Variants in ABHD2 observed in about 807,000 individuals in gnomAD.
The protein encoded by ABHD2 is abhydrolase domain containing 2, acylglycerol lipase, also known as monoacylglycerol lipase ABHD2.
In ABHD2, 20 loss-of-function variants were observed where a neutral mutation model predicts 48.1. The observed-to-expected ratio is 0.42, with a 90% confidence interval of 0.29 to 0.60. The LOEUF is 0.60. ABHD2 is among the 20% of genes least tolerant of loss of function. The pLI is 0.24. For missense variants in ABHD2, 405 were observed against 550.9 expected, an observed-to-expected ratio of 0.74 and a Z score of 2.65; for synonymous variants, 209 against 214.2, an observed-to-expected ratio of 0.98 and a Z score of 0.21.
At chr15:89,127,346 C>T (rs1470255303) in intron 3 of ABHD2, among the ~76,000 whole-genome samples, 2 of 152,090 alleles carry the variant, frequency 1.3e-5, no homozygotes, top group Non-Finnish European at 2.9e-5. Context: ...CATTTGGGAA[C>T]CCTGCCTGGA....
rs1026394053 is a variant in ABHD2 at position 89,179,295 on chromosome 15, C to A, written c.722+3300C>A. Among the ~76,000 whole-genome samples, 2 of 152,120 alleles carry A rather than the reference C, an allele frequency of 1.3e-5. No individual in the cohort carries two copies. Among genetic ancestry groups the A allele is most frequent in the Admixed American group, 1.3e-4 (2 of 15,274 alleles). ...TGAGCGGTGGGCAGGTCACAGTGGGCAAAGCAGTAGGGAAGCAGTGGGTGA... is the reference window on the plus strand; with the variant it reads ...TGAGCGGTGGGCAGGTCACAGTGGGAAAAGCAGTAGGGAAGCAGTGGGTGA... On this transcript the variant is annotated intron_variant, in intron 6 of 10. Transcript: ENST00000352732. This position sits in a 1 kb window ranked among gnomAD's most constrained non-coding sequence, Gnocchi z 4.3.
At chr15:89,089,485 G>A (rs1022621211) in intron 1 of ABHD2, among the ~76,000 whole-genome samples, 1 of 152,178 alleles carries the variant, frequency 6.6e-6, no homozygotes, top group Non-Finnish European at 1.5e-5. Flanking sequence ...GAAACTCCTT[G>A]TATTTGAACT....
chr15:89,084,296 C>G (rs953720986), upstream of ABHD2, among the ~76,000 whole-genome samples: 1 of 151,404 alleles, frequency 6.6e-6, no homozygotes, highest in African/African-American at 2.4e-5. This position sits in a 1 kb window ranked among gnomAD's most constrained non-coding sequence, Gnocchi z 4.4. Context: ...TTGTTATAAA[C>G]CTAAAACTAT....
intron 1 of ABHD2, among the ~76,000 whole-genome samples, chr15:89,111,556 G>T (rs562048534): frequency 6.6e-6 from 1 of 152,190 alleles, no homozygotes; most frequent in Non-Finnish European, 1.5e-5. Context: ...GCCCAAGAGG[G>T]CTGTTAGAGT....
chr15:89,185,346 C>G lies in ABHD2; in HGVS notation c.723-78C>G. Reference sequence around the variant, plus strand: ...GCCCTCTCCACACAAGCACCTCACCCCATGGCTAGAGCCCCCTCCTGGCTG... The same window carrying G: ...GCCCTCTCCACACAAGCACCTCACCGCATGGCTAGAGCCCCCTCCTGGCTG... On this transcript the variant is annotated intron_variant, in intron 6 of 10. Transcript: ENST00000352732. The surrounding 1 kb of genome is among the most constrained non-coding windows in gnomAD (Gnocchi z 5.9). 2 of 1,137,358 alleles carry G rather than the reference C, an allele frequency of 1.8e-6. No individual in the cohort carries two copies. Among genetic ancestry groups the G allele is most frequent in the Non-Finnish European group, 2.6e-6 (2 of 758,282 alleles). The allele number at this position is 1,137,358 out of a possible 1,614,324, so 70.5% of individuals were successfully genotyped here. A position where few individuals can be genotyped will look rare whatever the true frequency, so the allele number is the denominator to read the frequency against.
chr15:89,058,989 C>A, the ABHD2 span, among the ~76,000 whole-genome samples: 1 of 152,172 alleles, frequency 6.6e-6, no homozygotes, highest in African/African-American at 2.4e-5. Context: ...GCAGCTCCAG[C>A]GAAAGATAAG....
chr15:89,132,512 T>C (rs2050236372), intron 3 of ABHD2, among the ~76,000 whole-genome samples: 1 of 152,212 alleles, frequency 6.6e-6, no homozygotes, highest in Non-Finnish European at 1.5e-5. Context: ...ATACTCTGCT[T>C]TCAGATAGAT....
Position 89,146,046 on chromosome 15 carries a change from GC to G in ABHD2, c.195-5630del, listed in dbSNP as rs2050485993. On this transcript the variant is annotated intron_variant, in intron 3 of 10. Coordinates refer to ENST00000352732, the MANE Select transcript of ABHD2 (RefSeq NM_152924.5). This position sits in a 1 kb window ranked among gnomAD's most constrained non-coding sequence, Gnocchi z 4.2. ...TTTTGTTCACTGGAAAGGACTTGCT[GC>G]AACTTGCTGAGATGTGAGGACTCAA... Among the ~76,000 whole-genome samples the G allele has an allele frequency of 6.6e-6, 1 of 152,092 alleles. No homozygotes were observed. The highest frequency in any genetic ancestry group is 1.5e-5 in the Non-Finnish European group (1 of 68,010).
Position 89,151,787 on chromosome 15 carries a change from C to T in ABHD2, c.305C>T (p.Thr102Ile). Reference protein sequence around the residue: ...PHPYGHRKFITMSDGATSTFD... With the variant: ...PHPYGHRKFIIMSDGATSTFD... ...CCTTATGGGCACCGGAAGTTCATCA[C>T]TATGTCTGATGGAGCCACTTCTACA... Residue 102 changes from threonine to isoleucine, a missense_variant, in exon 4 of 11, where the codon ACT becomes ATT. By Grantham distance (89) the Thr-to-Ile change is moderately conservative. Coordinates refer to ENST00000352732, the MANE Select transcript of ABHD2 (RefSeq NM_152924.5). The surrounding 1 kb of genome is among the most constrained non-coding windows in gnomAD (Gnocchi z 4.7). 3 of 1,614,226 alleles carry T rather than the reference C, an allele frequency of 1.9e-6. No individual in the cohort carries two copies. Among genetic ancestry groups the T allele is most frequent in the South Asian group, 1.1e-5 (1 of 91,088 alleles).
intron 1 of ABHD2, among the ~76,000 whole-genome samples, chr15:89,103,637 G>A (rs560199749): frequency 1.1e-4 from 16 of 152,144 alleles, no homozygotes; most frequent in African/African-American, 3.9e-4. Flanking sequence ...GGGGGGTAAG[G>A]GTTGGAATAA....
Position 89,114,815 on chromosome 15 carries a change from A to G in ABHD2, c.-7+991A>G, listed in dbSNP as rs1016267477. ...TAAGTTTTAGGAAAACTGTCTCCTC[A>G]CAGAAGTTCAGTGTAGCTGAGTTTA... On this transcript the variant is annotated intron_variant, in intron 2 of 10. Coordinates refer to ENST00000352732, the MANE Select transcript of ABHD2 (RefSeq NM_152924.5). The surrounding 1 kb of genome is among the most constrained non-coding windows in gnomAD (Gnocchi z 4.2). 1.3e-5 allele frequency among the ~76,000 whole-genome samples: 2 copies of G among 152,182 alleles called. No individual in the cohort carries two copies. Among genetic ancestry groups the G allele is most frequent in the African/African-American group, 4.8e-5 (2 of 41,442 alleles).
At chr15:89,119,268 C>G (rs2050009899) in intron 3 of ABHD2, among the ~76,000 whole-genome samples, 1 of 152,200 alleles carries the variant, frequency 6.6e-6, no homozygotes, top group Admixed American at 6.5e-5. Context: ...ACTTAAGCAG[C>G]TAAATTCTAA....
rs965756315 is a variant in ABHD2, at chr15:89,175,356, C to T, written c.539-456C>T. Reference sequence around the variant, plus strand: ...CCTCTTGCCTCAGCCTCCTAAGTAGCGGGGACTACAAGGACACACCTGTAG... The same window carrying T: ...CCTCTTGCCTCAGCCTCCTAAGTAGTGGGGACTACAAGGACACACCTGTAG... On this transcript the variant is annotated intron_variant, in intron 5 of 10. Coordinates refer to ENST00000352732, the MANE Select transcript of ABHD2 (RefSeq NM_152924.5). The surrounding 1 kb of genome is among the most constrained non-coding windows in gnomAD (Gnocchi z 5.7). 3.3e-5 allele frequency among the ~76,000 whole-genome samples: 5 copies of T among 152,162 alleles called. No individual in the cohort carries two copies. Among genetic ancestry groups the T allele is most frequent in the Admixed American group, 6.5e-5 (1 of 15,284 alleles).
chr15:89,100,269 C>T lies in ABHD2; in HGVS notation c.-107+11706C>T, dbSNP rs924005626. 6.6e-6 allele frequency among the ~76,000 whole-genome samples: 1 copy of T among 151,698 alleles called. No homozygotes were observed. Among genetic ancestry groups the T allele is most frequent in the South Asian group, 2.1e-4 (1 of 4,802 alleles). Reference sequence around the variant, plus strand: ...CTGGTGAGCACACCACTCCCAAGTTCACATTGTGTTGTTAATTTTTTTTTT... The same window carrying T: ...CTGGTGAGCACACCACTCCCAAGTTTACATTGTGTTGTTAATTTTTTTTTT... On this transcript the variant is annotated intron_variant, in intron 1 of 10. Coordinates refer to ENST00000352732, the MANE Select transcript of ABHD2 (RefSeq NM_152924.5). This position sits in a 1 kb window ranked among gnomAD's most constrained non-coding sequence, Gnocchi z 4.4.
rs1377627976 is a variant in ABHD2, at chr15:89,179,248, A to C, written c.722+3253A>C. Among the ~76,000 whole-genome samples, 4 of 152,152 alleles carry C rather than the reference A, an allele frequency of 2.6e-5. No homozygotes were observed. The highest frequency in any genetic ancestry group is 9.7e-5 in the African/African-American group (4 of 41,428). ...AGCAGGGGTCCCAACTGCTGTTAGG[A>C]ACCAGGCCGCACAGCAGGAGGTGAG... On this transcript the variant is annotated intron_variant, in intron 6 of 10. Transcript: ENST00000352732. The surrounding 1 kb of genome is among the most constrained non-coding windows in gnomAD (Gnocchi z 4.3).
intron 4 of ABHD2, among the ~76,000 whole-genome samples, chr15:89,153,002 A>G (rs1596122533): frequency 6.6e-6 from 1 of 152,194 alleles, no homozygotes; most frequent in South Asian, 2.1e-4. Context: ...TAAACATATT[A>G]GGTATTTAAA....
chr15:89,193,016 A>G (rs796555191), intron 9 of ABHD2, among the ~76,000 whole-genome samples: 25 of 152,322 alleles, frequency 1.6e-4, no homozygotes, highest in African/African-American at 5.3e-4. Context: ...GCTTTCTTCT[A>G]CACACTCCTG....
At chr15:89,180,721 G>T (rs770715566) in intron 6 of ABHD2, among the ~76,000 whole-genome samples, 56 of 152,148 alleles carry the variant, frequency 3.7e-4, no homozygotes, top group Non-Finnish European at 7.6e-4. Context: ...GCCTAGGATC[G>T]TGCCCTCTTC....
intron 3 of ABHD2, among the ~76,000 whole-genome samples, chr15:89,142,007 A>G (rs1211666525): frequency 6.6e-6 from 1 of 152,242 alleles, no homozygotes; most frequent in African/African-American, 2.4e-5. Flanking sequence ...AAGGATGACT[A>G]ATAGACTCAT....
Sources: gnomAD v4.1 joint callset for allele counts (sites outside exome capture counted in the v4.1 genomes callset) on GRCh38, gnomAD v4.1.1 for gene constraint, Gnocchi (gnomAD v3.1) non-coding constraint, MANE v1.5 for transcripts, NCBI Gene and HGNC (gene_info 2026-07-23, HGNC 2026-07-21) for gene names.